The following ADAMTS13 variants were observed in gnomAD, a reference collection of about 807,000 sequenced individuals.
ADAMTS13 encodes the protein A disintegrin and metalloproteinase with thrombospondin motifs 13.
In ADAMTS13, 110 loss-of-function variants were observed where a neutral mutation model predicts 155.1. That is an observed-to-expected ratio of 0.71 (90% CI 0.61 to 0.83). ADAMTS13 has a LOEUF of 0.83. ADAMTS13 is among the 40% of genes least tolerant of loss of function. The pLI is 0.00. For synonymous variants in ADAMTS13, 758 were observed against 756.4 expected, an observed-to-expected ratio of 1.00 and a Z score of -0.03; for missense variants, 1,707 against 1,891.7, an observed-to-expected ratio of 0.90 and a Z score of 1.81.
chr9:133,433,816 C>T (rs969477160), intron 11 of ADAMTS13, 112 bp downstream of exon 11: 1 of 1,323,460 alleles, frequency 7.6e-7, no homozygotes, highest in Non-Finnish European at 1.1e-6. Flanking sequence ...GACATTGGGG[C>T]CAGGTGAGGT....
intron 8 of ADAMTS13, among the ~76,000 whole-genome samples, chr9:133,431,900 C>T (rs982275489): frequency 6.6e-6 from 1 of 152,230 alleles, no homozygotes; most frequent in East Asian, 1.9e-4. Flanking sequence ...GTGATTTGCC[C>T]GCCTCGGCCT....
chr9:133,432,527 A>C (rs587733746), intron 8 of ADAMTS13, 61 bp from the exon 9 acceptor site: 1 of 1,414,436 alleles, frequency 7.1e-7, no homozygotes, highest in African/African-American at 1.4e-5. Flanking sequence ...TTAAGGTTGG[A>C]CACTGGCCTG....
intron 6 of ADAMTS13, among the ~76,000 whole-genome samples, chr9:133,428,303 C>G (rs1478602000): frequency 6.6e-6 from 1 of 152,236 alleles, no homozygotes; most frequent in African/African-American, 2.4e-5. Context: ...AAGGCCCCGG[C>G]CAGTCCCCAC....
rs959818979 is a variant in ADAMTS13, at chr9:133,425,730, A to G, written c.414+118A>G. On this transcript the variant is annotated intron_variant, in intron 4 of 28. Transcript: ENST00000355699. The surrounding 1 kb of genome is among the most constrained non-coding windows in gnomAD (Gnocchi z 4.6). ...CCAAGCAGCATGGATCACAGAATGC[A>G]TTCAGCCAGACAGACCAGCTGCCCT... 2.1e-6 allele frequency: 3 copies of G among 1,404,452 alleles called. No individual in the cohort carries two copies. Among genetic ancestry groups the G allele is most frequent in the Non-Finnish European group, 2.9e-6 (3 of 1,018,388 alleles). 87.0% of individuals were successfully genotyped at this position (1,404,452 alleles called of 1,614,324 possible). A position where few individuals can be genotyped will look rare whatever the true frequency, so the allele number is the denominator to read the frequency against.
At position 133,430,039 on chromosome 9, in the gene ADAMTS13, G is replaced by A. The variant is rs1554786787; in HGVS notation, c.925G>A (p.Glu309Lys). 3 of 1,595,544 alleles carry A rather than the reference G, an allele frequency of 1.9e-6. No homozygotes were observed. In the Admixed American group the frequency reaches 5.1e-5, roughly 27 times the overall value. The change falls in exon 8 of 29, where the codon GAG becomes AAG. Residue 309 changes from glutamate (E) to lysine (K), a missense_variant. Coordinates refer to ENST00000355699, the MANE Select transcript of ADAMTS13 (RefSeq NM_139027.6). The stretch of plus-strand genomic sequence containing the variant: ...GCCTGGCCTCTACTACAGCGCCAAC[G>A]AGCAGTGCCGCGTGGCCTTCGGCCC... ...AQPGLYYSAN[E>K]QCRVAFGPKA...
rs112644100 is a variant in ADAMTS13, at chr9:133,444,715, C to A, written c.2421-148C>A. 4.2e-5 allele frequency: 33 copies of A among 778,930 alleles called. 1 individual carries two copies. The highest frequency in any genetic ancestry group is 3.6e-4 in the Middle Eastern group (1 of 2,742). 48.3% of individuals were successfully genotyped at this position (778,930 alleles called of 1,614,324 possible). A position where few individuals can be genotyped will look rare whatever the true frequency, so the allele number is the denominator to read the frequency against. ...GGGAACCCGGTGCTTCAGGGAGAGA[C>A]CCTGAGCTTCACTTCTCTGTGGGGC... On this transcript the variant is annotated intron_variant, in intron 19 of 28. Coordinates refer to ENST00000355699, the MANE Select transcript of ADAMTS13 (RefSeq NM_139027.6).
chr9:133,457,018 C>G, intron 27 of ADAMTS13: 1 of 506,808 alleles, frequency 2.0e-6, no homozygotes, highest in South Asian at 1.9e-5. Context: ...CTGCCCCGCC[C>G]CCACCCCTCC....
intron 23 of ADAMTS13, 137 bp from the exon 24 acceptor site, chr9:133,454,278 C>A: frequency 9.5e-7 from 1 of 1,057,670 alleles, no homozygotes; most frequent in African/African-American, 1.6e-5. Context: ...GGCTCAGTGG[C>A]TGCACTTTCC....
Position 133,425,812 on chromosome 9 carries a change from T to G in ADAMTS13, c.415-126T>G. On this transcript the variant is annotated intron_variant, in intron 4 of 28. Coordinates refer to ENST00000355699, the MANE Select transcript of ADAMTS13 (RefSeq NM_139027.6). This position sits in a 1 kb window ranked among gnomAD's most constrained non-coding sequence, Gnocchi z 4.6. The stretch of plus-strand genomic sequence containing the variant: ...CCTGACTACTTCTCTGAGCCTCAGT[T>G]GTCTCATCCCTAACACGGGCTAGTC... The G allele has an allele frequency of 6.6e-7, 1 of 1,510,922 alleles. No individual in the cohort carries two copies. Among genetic ancestry groups the G allele is most frequent in the Non-Finnish European group, 8.9e-7 (1 of 1,118,608 alleles). The allele number at this position is 1,510,922 out of a possible 1,614,324, so 93.6% of individuals were successfully genotyped here. A position where few individuals can be genotyped will look rare whatever the true frequency, so the allele number is the denominator to read the frequency against.
At position 133,456,563 on chromosome 9, in the gene ADAMTS13, G is replaced by A. The variant is rs1554796068; in HGVS notation, c.3568G>A (p.Gly1190Ser). 1.9e-6 allele frequency: 3 copies of A among 1,613,514 alleles called. No individual in the cohort carries two copies. The highest frequency in any genetic ancestry group is 2.2e-5 in the East Asian group (1 of 44,880). Residue 1190 changes from glycine to serine, a missense_variant, in exon 27 of 29, where the codon GGC becomes AGC. Transcript: ENST00000355699. This position sits in a 1 kb window ranked among gnomAD's most constrained non-coding sequence, Gnocchi z 4.4. ...CCTAGGGGACATGTTGCTGCTTTGG[G>A]GCCGGCTCACCTGGAGGAAGATGTG... ...CSAGDMLLLW[G>S]RLTWRKMCRK... is the part of the protein sequence containing the mutation.
intron 16 of ADAMTS13, 138 bp from the exon 17 acceptor site, chr9:133,442,261 G>T (rs782151857): frequency 2.9e-6 from 4 of 1,363,428 alleles, no homozygotes. Context: ...ATGAGCTACC[G>T]TGCCTGGCCA....
chr9:133,444,960 G>C lies in ADAMTS13; in HGVS notation c.2518G>C (p.Ala840Pro). 1 of 1,613,524 alleles carries C rather than the reference G, an allele frequency of 6.2e-7. No individual in the cohort carries two copies. Among genetic ancestry groups the C allele is most frequent in the Non-Finnish European group, 8.5e-7 (1 of 1,180,028 alleles). ...TCVPGADGLE[A>P]PVTEGPGSVD... ...TGTGCCAGGGGCAGATGGCCTGGAGGCTCCAGTGACTGAGGGGCCTGGCTC... is the reference window on the plus strand; with the variant it reads ...TGTGCCAGGGGCAGATGGCCTGGAGCCTCCAGTGACTGAGGGGCCTGGCTC... Residue 840 changes from alanine to proline, a missense_variant, in exon 20 of 29, where the codon GCT (alanine) becomes CCT (proline). Transcript: ENST00000355699.
rs1588182081 is a variant in ADAMTS13 at position 133,442,435 on chromosome 9, A to C, written c.2005A>C (p.Thr669Pro). The change falls in exon 17 of 29, where the codon ACC becomes CCC. Residue 669 changes from threonine to proline, a missense_variant. Transcript: ENST00000355699. Reference sequence around the variant, plus strand: ...GTATGGCGAGGAGTATGGCAACCTCACCCGCCCAGACATCACCTTCACCTA... The same window carrying C: ...GTATGGCGAGGAGTATGGCAACCTCCCCCGCCCAGACATCACCTTCACCTA... ...RRYGEEYGNLTRPDITFTYFQ... is the reference protein window; with the variant it reads ...RRYGEEYGNLPRPDITFTYFQ... The C allele has an allele frequency of 6.2e-7, 1 of 1,613,696 alleles. No homozygotes were observed.
intron 8 of ADAMTS13, among the ~76,000 whole-genome samples, chr9:133,432,171 A>G (rs1840818555): frequency 6.6e-6 from 1 of 152,112 alleles, no homozygotes; most frequent in Non-Finnish European, 1.5e-5. Context: ...AGGCTGAGGT[A>G]GGAGAATTGC....
chr9:133,458,161 G>GGGACCCCCT (rs782546160), intron 28 of ADAMTS13, 67 bp downstream of exon 28: 520 of 1,573,724 alleles, frequency 3.3e-4, no homozygotes, highest in Non-Finnish European at 4.2e-4. Flanking sequence ...GCAGGGCTAG[G>GGGACCCCCT]GGACCCCCTT....
chr9:133,423,194 G>A lies in ADAMTS13; in HGVS notation c.172+27G>A, dbSNP rs370996028. 61 of 1,604,530 alleles carry A rather than the reference G, an allele frequency of 3.8e-5. No homozygotes were observed. In the African/African-American group the frequency reaches 6.6e-4, roughly 17 times the overall value. ...TACTTGTCCTGGTGTCTTCTCTCCC[G>A]GGGGGAGTTTCTCAGGACTTTCAAG... On this transcript the variant is annotated intron_variant, in intron 2 of 28. Transcript: ENST00000355699.
In ADAMTS13 at chr9:133,445,103, G is replaced by T; in HGVS notation, c.2610+51G>T. 3 of 1,583,712 alleles carry T rather than the reference G, an allele frequency of 1.9e-6. No individual in the cohort carries two copies. The highest frequency in any genetic ancestry group is 2.6e-6 in the Non-Finnish European group (3 of 1,166,860). On this transcript the variant is annotated intron_variant, in intron 20 of 28. Coordinates refer to ENST00000355699, the MANE Select transcript of ADAMTS13 (RefSeq NM_139027.6). This position sits in a 1 kb window ranked among gnomAD's most constrained non-coding sequence, Gnocchi z 5.0. ...CTGGGGCTGTTGAGTCCTTTACCTG[G>T]CTGGGAGAACGAGGAGCACCCATTG...
At chr9:133,439,265 G>A in intron 14 of ADAMTS13, 101 bp from the exon 15 acceptor site, 3 of 922,284 alleles carry the variant, frequency 3.3e-6, no homozygotes, top group Non-Finnish European at 5.4e-6. Context: ...CCAGCCCCAT[G>A]GCATTGTTCA....
At chr9:133,422,325 C>A, upstream of ADAMTS13, 1 of 1,005,626 alleles carries the variant, frequency 9.9e-7, no homozygotes, top group Non-Finnish European at 1.5e-6. Flanking sequence ...CAAGAGTAAA[C>A]ACTGCCTAAT....
Sources: allele counts gnomAD v4.1 joint callset (sites outside exome capture counted in the v4.1 genomes callset), GRCh38; gene constraint gnomAD v4.1.1; non-coding constraint Gnocchi (gnomAD v3.1); transcripts MANE v1.5; gene names NCBI Gene and HGNC (gene_info 2026-07-23, HGNC 2026-07-21).